TENM3: variants seen among roughly 807,000 people sequenced by gnomAD.
TENM3 encodes teneurin transmembrane protein 3.
Under a neutral mutation model 255.1 loss-of-function variants are expected in TENM3, and 63 were observed. The observed-to-expected ratio is 0.25, with a 90% CI of 0.20 to 0.30. The LOEUF (loss-of-function observed/expected upper bound fraction) is 0.30, where lower values mean the gene tolerates loss of function less well. Ranked by LOEUF, TENM3 falls within the 10% of genes least tolerant of loss-of-function variation. The pLI, the probability that TENM3 is intolerant of heterozygous loss-of-function variation, is 1.00. For synonymous variants in TENM3, 1,306 were observed against 1,322.3 expected, an observed-to-expected ratio of 0.99 and a Z score of 0.27; for missense variants, 2,929 against 3,461.1, an observed-to-expected ratio of 0.85 and a Z score of 3.86.
At chr4:181,553,698 C>T in the TENM3 span, among the ~76,000 whole-genome samples, 1 of 152,242 alleles carries the variant, frequency 6.6e-6, no homozygotes, top group African/African-American at 2.4e-5. Flanking sequence ...GCCTCGGCCT[C>T]CCAAAGTGTT....
chr4:182,789,251 C>A lies in TENM3; in HGVS notation c.5463C>A (p.Val1821=). The change falls in exon 25 of 28, where the codon GTC becomes GTA. Residue 1821 remains valine, a synonymous_variant. Coordinates refer to ENST00000511685, the MANE Select transcript of TENM3 (RefSeq NM_001080477.4). This position sits in a 1 kb window ranked among gnomAD's most constrained non-coding sequence, Gnocchi z 4.4. ...LPSSKLMAVN[V]TYSSTGQIAS... is the part of the protein sequence containing the mutation. Reference sequence around the variant, plus strand: ...GCAGCAAGCTGATGGCCGTCAATGTCACCTATTCATCCACAGGTCAAATTG... The same window carrying A: ...GCAGCAAGCTGATGGCCGTCAATGTAACCTATTCATCCACAGGTCAAATTG... The A allele has an allele frequency of 6.2e-7, 1 of 1,613,782 alleles. No individual in the cohort carries two copies. Among genetic ancestry groups the A allele is most frequent in the Non-Finnish European group, 8.5e-7 (1 of 1,179,828 alleles).
the TENM3 span, among the ~76,000 whole-genome samples, chr4:181,600,963 C>T: frequency 1.3e-5 from 2 of 152,060 alleles, no homozygotes; most frequent in South Asian, 2.1e-4. Context: ...GTCACAGAAG[C>T]GTGGTGGTCT....
At chr4:181,544,837 C>T in the TENM3 span, among the ~76,000 whole-genome samples, 2 of 152,144 alleles carry the variant, frequency 1.3e-5, no homozygotes, top group African/African-American at 4.8e-5. Flanking sequence ...GGAAGCCAGA[C>T]AGTGCTGTGA....
At chr4:181,894,578 G>T in the TENM3 span, among the ~76,000 whole-genome samples, 1 of 152,144 alleles carries the variant, frequency 6.6e-6, no homozygotes, top group Non-Finnish European at 1.5e-5. Context: ...TATTTATAAA[G>T]AGAAGAAGTG....
Position 182,346,713 on chromosome 4 carries a change from T to C in TENM3, c.295T>C (p.Phe99Leu). 1 of 1,613,780 alleles carries C rather than the reference T, an allele frequency of 6.2e-7. No homozygotes were observed. Among genetic ancestry groups the C allele is most frequent in the South Asian group, 1.1e-5 (1 of 91,036 alleles). ...CEPATRRGLA[F>L]CAEMGLPHRG... ...ACCAGCAACTCGAAGAGGACTGGCA[T>C]TTTGTGCGGAAATGGGGCTCCCTCA... The change falls in exon 3 of 28, where the codon TTT becomes CTT. Residue 99 changes from phenylalanine to leucine, a missense_variant. Phe to Leu is a conservative substitution (Grantham distance 22, BLOSUM62 0). Around this residue, in one of 6 missense-constraint regions of TENM3, gnomAD observed 283 missense variants for 256.9 expected, o/e 1.10. Transcript: ENST00000511685.
chr4:182,390,907 G>C (rs1452176170), intron 3 of TENM3, among the ~76,000 whole-genome samples: 2 of 152,094 alleles, frequency 1.3e-5, no homozygotes, highest in Non-Finnish European at 2.9e-5. Context: ...TGATGTCCAC[G>C]GCAGGGTTAT....
chr4:181,961,990 G>A, the TENM3 span, among the ~76,000 whole-genome samples: 6 of 152,164 alleles, frequency 3.9e-5, no homozygotes, highest in Admixed American at 3.9e-4. Flanking sequence ...AAACAGGTTA[G>A]AAAGAGAGAA....
the TENM3 span, among the ~76,000 whole-genome samples, chr4:182,110,947 C>T: frequency 1.3e-5 from 2 of 152,136 alleles, no homozygotes; most frequent in African/African-American, 2.4e-5. Flanking sequence ...TGAAAATCTA[C>T]AATTTCAGGA....
At chr4:182,407,393 T>C (rs1440421504) in intron 3 of TENM3, among the ~76,000 whole-genome samples, 1 of 152,216 alleles carries the variant, frequency 6.6e-6, no homozygotes, top group Non-Finnish European at 1.5e-5. Context: ...TATCAAAGTA[T>C]GTCAAAATAA....
chr4:181,668,822 G>A, the TENM3 span, among the ~76,000 whole-genome samples: 2 of 152,118 alleles, frequency 1.3e-5, no homozygotes, highest in African/African-American at 4.8e-5. Context: ...TCCCTGGAAT[G>A]TCCTGCTCTG....
chr4:181,766,574 G>A, the TENM3 span, among the ~76,000 whole-genome samples: 3 of 152,098 alleles, frequency 2.0e-5, no homozygotes, highest in Non-Finnish European at 4.4e-5. Flanking sequence ...TTTCTTCTGA[G>A]AGAAAAGGAG....
chr4:181,978,436 C>T, the TENM3 span, among the ~76,000 whole-genome samples: 1 of 152,040 alleles, frequency 6.6e-6, no homozygotes, highest in South Asian at 2.1e-4. Flanking sequence ...GTCATGAGGT[C>T]AGGAGTTCGA....
At chr4:181,512,156 C>T in the TENM3 span, among the ~76,000 whole-genome samples, 50 of 152,266 alleles carry the variant, frequency 3.3e-4, 1 homozygote, top group Admixed American at 2.9e-3. Flanking sequence ...CTTGAAACTT[C>T]TCGCCACCCA....
At chr4:181,654,080 A>AATCTCTTTCC in the TENM3 span, among the ~76,000 whole-genome samples, 8 of 151,786 alleles carry the variant, frequency 5.3e-5, no homozygotes, top group Non-Finnish European at 1.2e-4. Context: ...ACCCTCTTTC[A>AATCTCTTTCC]ATCTCTTTCC....
intron 3 of TENM3, chr4:182,449,030 T>G (rs1471066101): frequency 1.0e-5 from 4 of 386,590 alleles, no homozygotes; most frequent in African/African-American, 8.9e-5. Flanking sequence ...CCAGGCAACT[T>G]GGCAGCGCTG....
the TENM3 span, among the ~76,000 whole-genome samples, chr4:181,859,794 A>G: frequency 1.2e-4 from 18 of 152,306 alleles, no homozygotes; most frequent in Non-Finnish European, 1.9e-4. Flanking sequence ...TTGTCTAAAT[A>G]CTACTTGTGT....
At chr4:182,531,815 C>T (rs1229940344) in intron 3 of TENM3, among the ~76,000 whole-genome samples, 1 of 152,174 alleles carries the variant, frequency 6.6e-6, no homozygotes, top group Non-Finnish European at 1.5e-5. Context: ...TACCAAAATC[C>T]CAGGCTCACA....
At chr4:181,910,654 G>GTGTA in the TENM3 span, among the ~76,000 whole-genome samples, 4,922 of 148,782 alleles carry the variant, frequency 0.033, 78 homozygotes, top group Non-Finnish European at 0.043. Context: ...GTGTGTGTGT[G>GTGTA]TATTTTAGAG....
At chr4:181,679,382 A>C in the TENM3 span, among the ~76,000 whole-genome samples, 1 of 131,076 alleles carries the variant, frequency 7.6e-6, no homozygotes, top group Non-Finnish European at 1.6e-5. Flanking sequence ...AATTTGGCTT[A>C]AGTTTTTTTC....
Sources: gnomAD v4.1 joint callset for allele counts (sites outside exome capture counted in the v4.1 genomes callset) on GRCh38, gnomAD v4.1.1 for gene constraint, gnomAD v4.1.1 regional missense constraint, Gnocchi (gnomAD v3.1) non-coding constraint, MANE v1.5 for transcripts, NCBI Gene and HGNC (gene_info 2026-07-23, HGNC 2026-07-21) for gene names.